Variants in CECR2 observed in about 807,000 individuals in gnomAD.
The protein encoded by CECR2 is chromatin remodeling regulator CECR2.
CECR2 carries 30 observed loss-of-function variants against 154.5 expected under a neutral mutation model. The ratio of observed to expected loss-of-function variants is 0.19; its 90% CI spans 0.15 to 0.26. The LOEUF (loss-of-function observed/expected upper bound fraction) is 0.26. Ranked by LOEUF, CECR2 falls within the 10% of genes least tolerant of loss-of-function variation. The probability of loss-of-function intolerance (pLI) is 1.00; values close to 1 mark genes in which losing one functional copy is unlikely to be tolerated. For synonymous variants in CECR2, 725 were observed against 683.7 expected, an observed-to-expected ratio of 1.06 and a Z score of -0.94; for missense variants, 1,743 against 1,829.3, an observed-to-expected ratio of 0.95 and a Z score of 0.86.
intron 1 of CECR2, among the ~76,000 whole-genome samples, chr22:17,447,330 T>A (rs2054688559): frequency 1.3e-5 from 2 of 152,004 alleles, no homozygotes; most frequent in Admixed American, 1.3e-4. Flanking sequence ...TTTTTTGTAT[T>A]TTTTAGTAGA....
chr22:17,433,833 AG>A (rs2054463283), intron 1 of CECR2, among the ~76,000 whole-genome samples: 1 of 152,114 alleles, frequency 6.6e-6, no homozygotes, highest in South Asian at 2.1e-4. Context: ...TGGTTCTTTT[AG>A]GGGGAGGTGA....
At chr22:17,488,341 T>C (rs1428242402) in intron 2 of CECR2, among the ~76,000 whole-genome samples, 1 of 152,244 alleles carries the variant, frequency 6.6e-6, no homozygotes, top group Non-Finnish European at 1.5e-5. Flanking sequence ...ATCGTGTCTT[T>C]TTTAACATAG....
chr22:17,402,307 AT>A (rs2053906829), intron 1 of CECR2, among the ~76,000 whole-genome samples: 1 of 151,872 alleles, frequency 6.6e-6, no homozygotes, highest in South Asian at 2.1e-4. Context: ...TTTTAAAAAA[AT>A]AAATTTACTT....
intron 1 of CECR2, among the ~76,000 whole-genome samples, chr22:17,422,240 T>C (rs1243441416): frequency 5.9e-5 from 9 of 151,906 alleles, no homozygotes; most frequent in Admixed American, 5.9e-4. Context: ...CTCTGTGGCC[T>C]AGGCTGGAGT....
rs1555944495 is a variant in CECR2 at position 17,552,774 on chromosome 22, G to GTTTTTTTTTTTGTTTTTT, written c.4390-50_4390-49insGTTTTTTTTTTTTTTTTT. 3.2e-6 allele frequency: 3 copies of GTTTTTTTTTTTGTTTTTT among 943,720 alleles called. 1 individual carries two copies. The highest frequency in any genetic ancestry group is 3.2e-5 in the Admixed American group (1 of 31,272). The allele number at this position is 943,720 out of a possible 1,614,324, so 58.5% of individuals were successfully genotyped here. ...CTTGGACATTCTTTGGCTTACTTAA[G>GTTTTTTTTTTTGTTTTTT]TTTTTTTTTTTTTAACAACCCAATT... On this transcript the variant is annotated intron_variant, in intron 18 of 18. Coordinates refer to ENST00000262608, the MANE Select transcript of CECR2 (RefSeq NM_001290047.2).
intron 8 of CECR2, among the ~76,000 whole-genome samples, chr22:17,515,971 G>A (rs1050065410): frequency 1.3e-5 from 2 of 152,174 alleles, no homozygotes; most frequent in African/African-American, 2.4e-5. Context: ...CACCACGCCC[G>A]GCCAGTACCA....
At chr22:17,448,777 A>G (rs2054718029) in intron 1 of CECR2, among the ~76,000 whole-genome samples, 1 of 152,152 alleles carries the variant, frequency 6.6e-6, no homozygotes, top group African/African-American at 2.4e-5. Flanking sequence ...GTAATAGTGG[A>G]TCCTTCCCTC....
intron 8 of CECR2, among the ~76,000 whole-genome samples, chr22:17,517,599 T>C (rs1054065477): frequency 6.6e-6 from 1 of 152,230 alleles, no homozygotes; most frequent in African/African-American, 2.4e-5. Context: ...CTTGGGTCTT[T>C]TTCTAATGGC....
intron 1 of CECR2, among the ~76,000 whole-genome samples, chr22:17,433,877 C>T (rs2054464201): frequency 6.6e-6 from 1 of 152,006 alleles, no homozygotes; most frequent in Non-Finnish European, 1.5e-5. Context: ...ATGGTTTTTG[C>T]AATACACAAC....
chr22:17,551,751 TC>T (rs2064822765), intron 17 of CECR2, among the ~76,000 whole-genome samples: 1 of 151,892 alleles, frequency 6.6e-6, no homozygotes, highest in South Asian at 2.1e-4. Context: ...TAAACCATGA[TC>T]CTGCCACTAC....
chr22:17,510,881 A>G (rs1320990407), intron 7 of CECR2, among the ~76,000 whole-genome samples: 1 of 152,200 alleles, frequency 6.6e-6, no homozygotes, highest in Non-Finnish European at 1.5e-5. Flanking sequence ...CTGGGATTAC[A>G]GGCGTGAGCC....
chr22:17,454,636 G>A (rs1411280855), intron 1 of CECR2, among the ~76,000 whole-genome samples: 1 of 151,436 alleles, frequency 6.6e-6, no homozygotes, highest in Non-Finnish European at 1.5e-5. Flanking sequence ...CAGCTGGGCA[G>A]GTCTGAGTCA....
intron 14 of CECR2, 128 bp from the exon 15 acceptor site, chr22:17,541,709 CTG>C (rs773075873): frequency 1.5e-4 from 167 of 1,143,730 alleles, no homozygotes; most frequent in Non-Finnish European, 1.8e-4. Context: ...CACAGTCTCC[CTG>C]TCTCCAGCCG....
intron 7 of CECR2, among the ~76,000 whole-genome samples, chr22:17,506,764 A>C (rs148789164): frequency 0.013 from 2,036 of 151,984 alleles, 33 homozygotes; most frequent in Non-Finnish European, 0.021. Context: ...AGCGATTCTC[A>C]TGCCTCAGCC....
intron 2 of CECR2, among the ~76,000 whole-genome samples, chr22:17,482,741 G>A (rs2055348859): frequency 6.8e-6 from 1 of 147,704 alleles, no homozygotes; most frequent in Non-Finnish European, 1.5e-5. Flanking sequence ...CATCATGTTG[G>A]CCATGATGGT....
At chr22:17,512,720 AAAAAG>A (rs956948001) in intron 8 of CECR2, among the ~76,000 whole-genome samples, 9,024 of 150,140 alleles carry the variant, frequency 0.06, 625 homozygotes, top group African/African-American at 0.17. Context: ...AAAAAAAAAA[AAAAAG>A]AAAGAAAGAA....
At chr22:17,519,409 G>A (rs1308518074) in intron 8 of CECR2, among the ~76,000 whole-genome samples, 13 of 149,938 alleles carry the variant, frequency 8.7e-5, no homozygotes, top group African/African-American at 3.2e-4. Flanking sequence ...ACAGGCGCCC[G>A]CCACCATGCC....
chr22:17,503,987 C>T (rs2055786686), intron 6 of CECR2, among the ~76,000 whole-genome samples: 1 of 151,922 alleles, frequency 6.6e-6, no homozygotes, highest in Non-Finnish European at 1.5e-5. Flanking sequence ...GCGGAGGCTG[C>T]AGTGAGCTGA....
intron 2 of CECR2, 68 bp from the exon 3 acceptor site, chr22:17,497,335 C>G (rs1329136429): frequency 6.9e-7 from 1 of 1,450,174 alleles, no homozygotes; most frequent in African/African-American, 1.4e-5. Context: ...AGTTCTCTCT[C>G]TCTCTCCTTC....
Sources: gnomAD v4.1 joint callset for allele counts (sites outside exome capture counted in the v4.1 genomes callset) on GRCh38, gnomAD v4.1.1 for gene constraint, MANE v1.5 for transcripts, NCBI Gene and HGNC (gene_info 2026-07-23, HGNC 2026-07-21) for gene names.